Variants in SMC6 observed in about 807,000 individuals in gnomAD.
SMC6 encodes the protein structural maintenance of chromosomes protein 6.
SMC6 carries 79 observed loss-of-function variants against 142.2 expected under a neutral mutation model. That is an observed-to-expected ratio of 0.56 (90% CI 0.46 to 0.67). The LOEUF is 0.67. Among genes scored for constraint, SMC6 ranks in the 30% least tolerant of loss-of-function variants. The pLI is 0.00. For missense variants in SMC6, 1,072 were observed against 1,284.0 expected (o/e 0.83, Z 2.52); for synonymous variants, 411 against 412.4 (o/e 1.00, Z 0.04).
At position 17,707,353 on chromosome 2, in the gene SMC6, C is replaced by T; in HGVS notation, c.1872G>A (p.Met624Ile). The T allele has an allele frequency of 6.4e-7, 1 of 1,574,498 alleles. No homozygotes were observed. The highest frequency in any genetic ancestry group is 1.9e-5 in the Admixed American group (1 of 52,822). ...AATTTTTGGGTGGCTTTTGGGACTG[C>T]ATTACTGCACGAGCTACAGAATTAT... Reference protein sequence around the residue: ...IKNNSVARAVMQSQKPPKNCR... With the variant: ...IKNNSVARAVIQSQKPPKNCR... Residue 624 changes from methionine (M) to isoleucine (I), a missense_variant, in exon 18 of 28, where the codon ATG becomes ATA. Met to Ile is a conservative substitution (Grantham distance 10). Around this residue, in one of 3 missense-constraint regions of SMC6, gnomAD observed 994 missense variants for 1,153.2 expected, o/e 0.86. Coordinates refer to ENST00000448223, the MANE Select transcript of SMC6 (RefSeq NM_001142286.2).
At chr2:17,706,827 C>G (rs1436506651) in intron 18 of SMC6, among the ~76,000 whole-genome samples, 2 of 152,106 alleles carry the variant, frequency 1.3e-5, no homozygotes, top group Non-Finnish European at 2.9e-5. Flanking sequence ...CAATCAGGGA[C>G]ATTATAAGGA....
At chr2:17,674,137 ATAGAACT>A (rs1267988050) in intron 25 of SMC6, among the ~76,000 whole-genome samples, 1 of 152,102 alleles carries the variant, frequency 6.6e-6, no homozygotes, top group Non-Finnish European at 1.5e-5. Context: ...GCATCCTGAG[ATAGAACT>A]TAGATCATTA....
In SMC6 at chr2:17,741,621, T is replaced by C; in HGVS notation, c.229A>G (p.Asn77Asp). 6.2e-7 allele frequency: 1 copy of C among 1,604,350 alleles called. No homozygotes were observed. The highest frequency in any genetic ancestry group is 1.7e-4 in the Middle Eastern group (1 of 6,018). The change falls in exon 4 of 28, where the codon AAC becomes GAC. Residue 77 changes from asparagine to aspartate, a missense_variant. This residue lies in a region of SMC6 where 994 missense variants were observed against 1,153.2 expected (regional missense o/e 0.86). Transcript: ENST00000448223. The stretch of plus-strand genomic sequence containing the variant: ...GGGAAAAAACACTTACTTCCATTGT[T>C]GCCAACAACAAAGTTGACATTAGAA... ...FGSNVNFVVG[N>D]NGSGKSAVLT...
chr2:17,664,809 C>T lies in SMC6; in HGVS notation c.*690G>A, dbSNP rs1171712489. 2 of 152,298 alleles carry T rather than the reference C, an allele frequency of 1.3e-5. No individual in the cohort carries two copies. The highest frequency in any genetic ancestry group is 1.9e-4 in the East Asian group (1 of 5,186). The allele number at this position is 152,298 out of a possible 1,614,324, so 9.4% of individuals were successfully genotyped here. On this transcript the variant is annotated 3_prime_UTR_variant, in exon 28 of 28. Transcript: ENST00000448223. ...CCTGGTTCTGCACAGTCCCTCTAGC[C>T]TGTGTCCTCTCAGCTGAGGACAAGC...
intron 18 of SMC6, among the ~76,000 whole-genome samples, chr2:17,706,813 G>A (rs1330179536): frequency 2.6e-5 from 4 of 152,118 alleles, no homozygotes; most frequent in South Asian, 2.1e-4. Context: ...GCACCTCAAA[G>A]TACCAATCAG....
intron 4 of SMC6, 37 bp downstream of exon 4, chr2:17,741,575 C>G: frequency 7.5e-7 from 1 of 1,341,184 alleles, no homozygotes; most frequent in South Asian, 1.3e-5. Context: ...TCTCAAAGTA[C>G]TGCTCAAAGT....
chr2:17,736,180 G>C (rs1670142813), intron 5 of SMC6, among the ~76,000 whole-genome samples: 1 of 152,186 alleles, frequency 6.6e-6, no homozygotes, highest in Non-Finnish European at 1.5e-5. Flanking sequence ...GAAAAACTCT[G>C]CTTTTCGTTA....
chr2:17,679,198 A>T, intron 24 of SMC6: 1 of 398,836 alleles, frequency 2.5e-6, no homozygotes, highest in Non-Finnish European at 4.5e-6. Flanking sequence ...AAATTAATGA[A>T]ATGAATTAAA....
Position 17,695,292 on chromosome 2 carries a change from T to C in SMC6, c.2538A>G (p.Lys846=). Residue 846 remains lysine, a synonymous_variant, in exon 23 of 28, where the codon AAA becomes AAG. Transcript: ENST00000448223. The stretch of plus-strand genomic sequence containing the variant: ...GGCAGATTTGTCTTGCTTGTGACAT[T>C]TTCTCCTAAGAAAGTAGATGTTTAT... The part of the protein sequence containing the change: ...LDMKEKELEE[K]MSQARQICPE... The C allele has an allele frequency of 6.2e-7, 1 of 1,612,034 alleles. No homozygotes were observed. The highest frequency in any genetic ancestry group is 8.5e-7 in the Non-Finnish European group (1 of 1,179,608).
At chr2:17,729,603 A>G (rs957418762) in intron 7 of SMC6, among the ~76,000 whole-genome samples, 2 of 152,206 alleles carry the variant, frequency 1.3e-5, no homozygotes, top group African/African-American at 4.8e-5. Flanking sequence ...TATACAGTAT[A>G]CTGAATGCCC....
intron 25 of SMC6, among the ~76,000 whole-genome samples, chr2:17,671,595 C>T (rs180912627): frequency 4.9e-5 from 5 of 103,068 alleles, no homozygotes; most frequent in East Asian, 2.6e-4. Flanking sequence ...GTCGACAGAG[C>T]GAGACCCCGT....
intron 25 of SMC6, 70 bp downstream of exon 25, chr2:17,678,789 A>G (rs1667114175): frequency 8.2e-7 from 1 of 1,217,018 alleles, no homozygotes; most frequent in Non-Finnish European, 1.2e-6. Context: ...AAAAAACCCA[A>G]CAAAAATAGA....
chr2:17,708,782 C>G lies in SMC6; in HGVS notation c.1731-29G>C, dbSNP rs533705446. ...GGAGACAAAAATACAGAAGGATTAA[C>G]TTAGCAAATTTTAATTATAAATATA... On this transcript the variant is annotated intron_variant, in intron 16 of 27. Coordinates refer to ENST00000448223, the MANE Select transcript of SMC6 (RefSeq NM_001142286.2). The G allele has an allele frequency of 4.3e-5, 51 of 1,193,562 alleles. No homozygotes were observed. In the South Asian group the frequency reaches 9.4e-4, roughly 22 times the overall value. The allele number at this position is 1,193,562 out of a possible 1,614,324, so 73.9% of individuals were successfully genotyped here. A position where few individuals can be genotyped will look rare whatever the true frequency, so the allele number is the denominator to read the frequency against.
intron 23 of SMC6, among the ~76,000 whole-genome samples, chr2:17,690,376 T>C (rs1278723303): frequency 2.0e-5 from 3 of 152,162 alleles, no homozygotes; most frequent in African/African-American, 7.2e-5. Context: ...GGTGATCACT[T>C]GAGGTGAGGA....
intron 17 of SMC6, 85 bp downstream of exon 17, chr2:17,708,554 A>G (rs896467270): frequency 1.7e-6 from 1 of 599,394 alleles, no homozygotes; most frequent in Non-Finnish European, 2.5e-6. Context: ...TCTATGATAA[A>G]AGGGGAATAG....
intron 5 of SMC6, among the ~76,000 whole-genome samples, chr2:17,735,051 T>C: frequency 6.6e-6 from 1 of 151,610 alleles, no homozygotes; most frequent in East Asian, 1.9e-4. Flanking sequence ...ATCTAATAAA[T>C]ACAAGAAAGC....
At chr2:17,734,966 A>G (rs936199515) in intron 5 of SMC6, among the ~76,000 whole-genome samples, 12 of 152,152 alleles carry the variant, frequency 7.9e-5, no homozygotes, top group Non-Finnish European at 1.5e-4. Context: ...TCCTGACCTC[A>G]AGTGATCCGC....
intron 21 of SMC6, among the ~76,000 whole-genome samples, chr2:17,697,465 C>CACAT: frequency 6.6e-6 from 1 of 152,056 alleles, no homozygotes; most frequent in South Asian, 2.1e-4. Flanking sequence ...AAACAGCCAA[C>CACAT]ACATATCCAG....
chr2:17,684,545 C>T (rs1667364005), intron 23 of SMC6, among the ~76,000 whole-genome samples: 1 of 152,088 alleles, frequency 6.6e-6, no homozygotes, highest in Non-Finnish European at 1.5e-5. Flanking sequence ...AACAAGAGGC[C>T]AGTTGTATTG....
Sources: gnomAD v4.1 joint callset for allele counts (sites outside exome capture counted in the v4.1 genomes callset) on GRCh38, gnomAD v4.1.1 for gene constraint, gnomAD v4.1.1 regional missense constraint, MANE v1.5 for transcripts, NCBI Gene and HGNC (gene_info 2026-07-23, HGNC 2026-07-21) for gene names.